The following NRAP variants were observed in gnomAD, a reference collection of about 807,000 sequenced individuals.
NRAP encodes nebulin-related-anchoring protein.
NRAP carries 189 observed loss-of-function variants against 225.9 expected under a neutral mutation model. The ratio of observed to expected loss-of-function variants is 0.84; its 90% confidence interval spans 0.74 to 0.94. The LOEUF is 0.94. Ranked by LOEUF, NRAP falls within the 40% of genes least tolerant of loss-of-function variation. NRAP has a pLI of 0.00. For synonymous variants in NRAP, 769 were observed against 790.7 expected (o/e 0.97, Z 0.46); for missense variants, 2,176 against 2,168.7 (o/e 1.00, Z -0.07).
chr10:113,604,927 G>A lies in NRAP; in HGVS notation c.3916-7C>T. 1 of 1,607,272 alleles carries A rather than the reference G, an allele frequency of 6.2e-7. No individual in the cohort carries two copies. Among genetic ancestry groups the A allele is most frequent in the South Asian group, 1.1e-5 (1 of 90,672 alleles). On this transcript the variant is annotated splice_polypyrimidine_tract_variant and splice_region_variant and intron_variant, in intron 34 of 41. Coordinates refer to ENST00000359988, the MANE Select transcript of NRAP (RefSeq NM_198060.4). ...AGTCATGTCTGTAGAGAAACTGCAA[G>A]AAAGGGCTGGCCGGTCAAATTCTAT...
chr10:113,614,341 G>T (rs1847515004), intron 28 of NRAP, 45 bp from the exon 29 acceptor site: 2 of 1,314,780 alleles, frequency 1.5e-6, no homozygotes, highest in Non-Finnish European at 1.1e-6. Flanking sequence ...CAGGGATAAG[G>T]GACACAGAAT....
At chr10:113,637,279 C>A (rs903478063) in intron 14 of NRAP, among the ~76,000 whole-genome samples, 1 of 152,294 alleles carries the variant, frequency 6.6e-6, no homozygotes, top group East Asian at 1.9e-4. Context: ...ATTATCCCTA[C>A]CTTACAATGT....
rs2286740 is a variant in NRAP at position 113,629,185 on chromosome 10, C to T, written c.2041-164G>A. On this transcript the variant is annotated intron_variant, in intron 19 of 41. Coordinates refer to ENST00000359988, the MANE Select transcript of NRAP (RefSeq NM_198060.4). ...ATCTCCACTTGGGAGGTACAGCCAC[C>T]GGGCCCACCTTGTAACAAGAGTAGC... 0.29 allele frequency among the ~76,000 whole-genome samples: 44,010 copies of T among 152,048 alleles called. 6,585 individuals are homozygous for T. Among genetic ancestry groups the T allele is most frequent in the Admixed American group, 0.36 (5,513 of 15,268 alleles).
At chr10:113,643,566 G>C (rs562371000) in intron 11 of NRAP, among the ~76,000 whole-genome samples, 1 of 152,194 alleles carries the variant, frequency 6.6e-6, no homozygotes, top group African/African-American at 2.4e-5. Context: ...TAATAAATGA[G>C]ACCACTCAGA....
chr10:113,647,156 T>C (rs942082842), intron 9 of NRAP, 129 bp from the exon 10 acceptor site: 4 of 674,758 alleles, frequency 5.9e-6, no homozygotes, highest in Admixed American at 2.2e-5. Flanking sequence ...CTGATGTCCA[T>C]GTGGTAGTTT....
chr10:113,641,303 G>T, intron 13 of NRAP, 62 bp downstream of exon 13: 1 of 957,004 alleles, frequency 1.0e-6, no homozygotes, highest in Non-Finnish European at 1.6e-6. Context: ...AAAAAGAATT[G>T]GCTGAATTCT....
At chr10:113,611,238 C>G (rs1847302563) in intron 30 of NRAP, among the ~76,000 whole-genome samples, 1 of 152,078 alleles carries the variant, frequency 6.6e-6, no homozygotes, top group South Asian at 2.1e-4. Flanking sequence ...TCCCTCGTTC[C>G]TACAGCTGCT....
At chr10:113,614,423 C>T (rs564806787) in intron 28 of NRAP, 127 bp from the exon 29 acceptor site, 14 of 690,090 alleles carry the variant, frequency 2.0e-5, no homozygotes, top group African/African-American at 8.9e-5. Context: ...AGAAAATGCG[C>T]GGGAGTCGTC....
chr10:113,611,036 G>A (rs1267268477), intron 30 of NRAP, among the ~76,000 whole-genome samples: 1 of 152,320 alleles, frequency 6.6e-6, no homozygotes, highest in African/African-American at 2.4e-5. Flanking sequence ...GCCTGAGTTC[G>A]TGTGGGTGGG....
chr10:113,624,694 G>C, intron 22 of NRAP, 132 bp downstream of exon 22: 2 of 675,814 alleles, frequency 3.0e-6, no homozygotes, highest in Non-Finnish European at 2.6e-6. Flanking sequence ...TGGGTGAGCT[G>C]TTTTTACAAC....
intron 16 of NRAP, 127 bp downstream of exon 16, chr10:113,632,957 C>T (rs1848654658): frequency 4.5e-6 from 3 of 665,922 alleles, no homozygotes; most frequent in Non-Finnish European, 8.3e-6. Context: ...AAAGTTACAA[C>T]TTGATGGATG....
At chr10:113,630,032 G>A (rs749818293) in intron 18 of NRAP, among the ~76,000 whole-genome samples, 7 of 152,010 alleles carry the variant, frequency 4.6e-5, no homozygotes, top group Non-Finnish European at 7.4e-5. Flanking sequence ...CTTTTCACCC[G>A]GCTGCTCCAG....
chr10:113,626,175 A>C, intron 20 of NRAP, 30 bp from the exon 21 acceptor site: 1 of 1,520,536 alleles, frequency 6.6e-7, no homozygotes, highest in Non-Finnish European at 9.0e-7. Context: ...ACCCCACAGC[A>C]TTAGGATTGG....
chr10:113,650,369 T>G (rs1489754198), intron 8 of NRAP, 69 bp downstream of exon 8: 5 of 1,137,672 alleles, frequency 4.4e-6, no homozygotes, highest in African/African-American at 1.5e-5. Context: ...AACAGGAAGT[T>G]GGACTCCTCA....
chr10:113,600,889 T>C (rs1235484076), intron 35 of NRAP, among the ~76,000 whole-genome samples: 3 of 152,174 alleles, frequency 2.0e-5, no homozygotes, highest in African/African-American at 4.8e-5. Flanking sequence ...AAGCATTCCA[T>C]ACATTTTAGT....
At position 113,592,331 on chromosome 10, in the gene NRAP, GCAGGCAGT is replaced by G. The variant is rs1846039831; in HGVS notation, c.4537-38_4537-31del. Reference sequence around the variant, plus strand: ...ATTGGAAAAACAAAAGCATGAGTAAGCAGGCAGTCACTCCACTGTCTTCCATGTTGCTG... The same window carrying G: ...ATTGGAAAAACAAAAGCATGAGTAAGCACTCCACTGTCTTCCATGTTGCTG... On this transcript the variant is annotated intron_variant, in intron 38 of 41. Coordinates refer to ENST00000359988, the MANE Select transcript of NRAP (RefSeq NM_198060.4). 9 of 1,440,656 alleles carry G rather than the reference GCAGGCAGT, an allele frequency of 6.2e-6. No homozygotes were observed. The East Asian group carries it at 2.1e-4, about 33-fold the overall frequency. The allele number at this position is 1,440,656 out of a possible 1,614,324, so 89.2% of individuals were successfully genotyped here.
At chr10:113,631,393 G>A (rs1385893366) in intron 18 of NRAP, 116 bp downstream of exon 18, 3 of 633,938 alleles carry the variant, frequency 4.7e-6, no homozygotes, top group East Asian at 5.4e-5. Context: ...AGGAAAGAAA[G>A]GAGTTGCAGG....
chr10:113,601,012 C>T (rs951254734), intron 35 of NRAP, among the ~76,000 whole-genome samples: 2 of 152,182 alleles, frequency 1.3e-5, no homozygotes, highest in African/African-American at 4.8e-5. Context: ...CGTGACATTT[C>T]CTGCATGTGC....
chr10:113,648,125 C>A (rs1373759712), intron 9 of NRAP, among the ~76,000 whole-genome samples: 1 of 151,720 alleles, frequency 6.6e-6, no homozygotes, highest in East Asian at 1.9e-4. Flanking sequence ...AGGCTCACGA[C>A]TCCATCTCTC....
Sources: allele counts gnomAD v4.1 joint callset (sites outside exome capture counted in the v4.1 genomes callset), GRCh38; gene constraint gnomAD v4.1.1; transcripts MANE v1.5; gene names NCBI Gene and HGNC (gene_info 2026-07-23, HGNC 2026-07-21).